The following ADIPOR2 variants were observed in gnomAD, a reference collection of about 807,000 sequenced individuals.
ADIPOR2 encodes adiponectin receptor 2.
A neutral mutation model predicts 40.9 loss-of-function variants in ADIPOR2; 18 were observed. That is an observed-to-expected ratio of 0.44 (90% CI 0.30 to 0.65). The LOEUF (loss-of-function observed/expected upper bound fraction) is 0.65. Ranked by LOEUF, ADIPOR2 falls within the 30% of genes least tolerant of loss-of-function variation. The pLI is 0.09. For missense variants in ADIPOR2, 283 were observed against 479.2 expected, an observed-to-expected ratio of 0.59 and a Z score of 3.82; for synonymous variants, 165 against 166.4, an observed-to-expected ratio of 0.99 and a Z score of 0.06.
At chr12:1,784,133 C>G (rs546176824) in intron 7 of ADIPOR2, 60 bp downstream of exon 7, 1 of 1,442,020 alleles carries the variant, frequency 6.9e-7, no homozygotes, top group East Asian at 2.4e-5. Context: ...TGGCATCCTG[C>G]AGAGTGATGC....
At chr12:1,729,066 T>C (rs2094714258) in intron 1 of ADIPOR2, among the ~76,000 whole-genome samples, 1 of 149,032 alleles carries the variant, frequency 6.7e-6, no homozygotes, top group Non-Finnish European at 1.5e-5. Context: ...TTTTTCCCCC[T>C]CTACCCATAA....
At chr12:1,774,497 C>A (rs897101415) in intron 3 of ADIPOR2, among the ~76,000 whole-genome samples, 29 of 152,204 alleles carry the variant, frequency 1.9e-4, no homozygotes, top group Non-Finnish European at 1.6e-4. Context: ...GAAAACCAGC[C>A]GTGTCTAGTG....
intron 1 of ADIPOR2, among the ~76,000 whole-genome samples, chr12:1,742,452 G>A (rs1302673510): frequency 6.6e-6 from 1 of 152,178 alleles, no homozygotes; most frequent in East Asian, 1.9e-4. Flanking sequence ...CCATAAGGCA[G>A]GTAACCACTA....
At chr12:1,712,098 T>G (rs904455333) in intron 1 of ADIPOR2, among the ~76,000 whole-genome samples, 12 of 152,154 alleles carry the variant, frequency 7.9e-5, no homozygotes, top group African/African-American at 2.9e-4. Flanking sequence ...TAACCTGCCC[T>G]TTGTATCCCA....
chr12:1,773,914 AC>A (rs749982228), intron 3 of ADIPOR2, among the ~76,000 whole-genome samples: 2 of 152,210 alleles, frequency 1.3e-5, no homozygotes, highest in African/African-American at 2.4e-5. Context: ...TGAAAAGAGA[AC>A]ATTGTGATCT....
intron 2 of ADIPOR2, 26 bp downstream of exon 2, chr12:1,754,540 A>G (rs1034383212): frequency 2.5e-6 from 4 of 1,582,566 alleles, no homozygotes; most frequent in East Asian, 4.6e-5. Flanking sequence ...AGAATGATAA[A>G]CAAAGGAAAA....
chr12:1,758,445 C>T (rs1862195041), intron 2 of ADIPOR2, among the ~76,000 whole-genome samples: 2 of 152,268 alleles, frequency 1.3e-5, no homozygotes, highest in South Asian at 2.1e-4. Context: ...GTTTGCCTTC[C>T]TCAATTTACC....
intron 1 of ADIPOR2, among the ~76,000 whole-genome samples, chr12:1,740,071 C>T (rs539211343): frequency 2.0e-5 from 3 of 151,890 alleles, no homozygotes; most frequent in Non-Finnish European, 4.4e-5. Context: ...CGTTGTACTC[C>T]AGCCTGGGCG....
chr12:1,780,767 A>C (rs999992104), intron 5 of ADIPOR2, 122 bp from the exon 6 acceptor site: 2 of 1,362,876 alleles, frequency 1.5e-6, no homozygotes, highest in African/African-American at 3.0e-5. Context: ...AAAATTAAAG[A>C]GCAACCCAGT....
chr12:1,719,250 C>G (rs1281895054), intron 1 of ADIPOR2, among the ~76,000 whole-genome samples: 5 of 152,066 alleles, frequency 3.3e-5, no homozygotes, highest in Admixed American at 2.0e-4. Context: ...TGGAATGTAG[C>G]AGGGCTCCAT....
intron 1 of ADIPOR2, chr12:1,696,935 C>T (rs1463868965): frequency 6.5e-6 from 1 of 152,906 alleles, no homozygotes; most frequent in African/African-American, 2.4e-5. Flanking sequence ...AAGTTCTTGT[C>T]CATAACATAA....
intron 1 of ADIPOR2, among the ~76,000 whole-genome samples, chr12:1,721,205 CTTTTTTTTTTTTTTTTT>C (rs59268943): frequency 1.5e-4 from 9 of 58,182 alleles, no homozygotes; most frequent in Non-Finnish European, 2.0e-4. Context: ...ATAAAATAAA[CTTTTTTTTTTTTTTTTT>C]TTTTTTTTTT....
At chr12:1,694,820 T>A (rs927246274) in intron 1 of ADIPOR2, among the ~76,000 whole-genome samples, 3 of 152,200 alleles carry the variant, frequency 2.0e-5, no homozygotes, top group Non-Finnish European at 4.4e-5. Flanking sequence ...CACTTTTTTT[T>A]AGCAGCTTTA....
chr12:1,754,626 G>A (rs1862073960), intron 2 of ADIPOR2, 112 bp downstream of exon 2: 1 of 1,067,482 alleles, frequency 9.4e-7, no homozygotes, highest in Non-Finnish European at 1.3e-6. Context: ...GGATGGGGTG[G>A]TAAGAAGGAA....
intron 1 of ADIPOR2, among the ~76,000 whole-genome samples, chr12:1,742,266 C>G (rs1240673240): frequency 6.6e-6 from 1 of 152,288 alleles, no homozygotes; most frequent in Middle Eastern, 3.4e-3. Context: ...CTTATTTTTG[C>G]ATTTTTTGTA....
intron 1 of ADIPOR2, among the ~76,000 whole-genome samples, chr12:1,722,138 T>A (rs2094699128): frequency 6.6e-6 from 1 of 152,022 alleles, no homozygotes; most frequent in Non-Finnish European, 1.5e-5. Context: ...TTAGTATAGG[T>A]GAGAGGTGGT....
rs186335629 is a variant in ADIPOR2, at chr12:1,767,841, A to G, written c.172-5001A>G. Among the ~76,000 whole-genome samples, 341 of 152,312 alleles carry G rather than the reference A, an allele frequency of 2.2e-3. 2 individuals carry two copies. Among genetic ancestry groups the G allele is most frequent in the African/African-American group, 7.7e-3 (319 of 41,560 alleles). On this transcript the variant is annotated intron_variant, in intron 2 of 7. Transcript: ENST00000357103. Reference sequence around the variant, plus strand: ...GAATTCTTAGACCAAGTCTTGATAAACAAATATTTGTTTGGTAAGTGAGCA... The same window carrying G: ...GAATTCTTAGACCAAGTCTTGATAAGCAAATATTTGTTTGGTAAGTGAGCA...
chr12:1,728,866 T>G (rs540412319), intron 1 of ADIPOR2, among the ~76,000 whole-genome samples: 2 of 152,222 alleles, frequency 1.3e-5, no homozygotes, highest in Non-Finnish European at 2.9e-5. Flanking sequence ...GATAGTCTGG[T>G]CTTTCCATCT....
At chr12:1,712,192 A>G (rs1220010945) in intron 1 of ADIPOR2, among the ~76,000 whole-genome samples, 3 of 152,130 alleles carry the variant, frequency 2.0e-5, no homozygotes, top group Non-Finnish European at 2.9e-5. Flanking sequence ...CTTGGGTGGC[A>G]TAAGTCTGGA....
Sources: gnomAD v4.1 joint callset for allele counts (sites outside exome capture counted in the v4.1 genomes callset) on GRCh38, gnomAD v4.1.1 for gene constraint, MANE v1.5 for transcripts, NCBI Gene and HGNC (gene_info 2026-07-23, HGNC 2026-07-21) for gene names.